The following NDC1 variants were observed in gnomAD, a reference collection of about 807,000 sequenced individuals.
The protein encoded by NDC1 is NDC1 transmembrane nucleoporin.
NDC1 carries 24 observed loss-of-function variants against 89.8 expected under a neutral mutation model. That is an observed-to-expected ratio of 0.27 (90% CI 0.19 to 0.38). The LOEUF is 0.38. Among genes scored for constraint, NDC1 ranks in the 10% least tolerant of loss-of-function variants. The pLI is 1.00. For synonymous variants in NDC1, 296 were observed against 284.8 expected (o/e 1.04, Z -0.39); for missense variants, 728 against 797.6 (o/e 0.91, Z 1.05).
At chr1:53,811,193 A>G (rs753712721) in intron 6 of NDC1, among the ~76,000 whole-genome samples, 1 of 152,214 alleles carries the variant, frequency 6.6e-6, no homozygotes, top group Non-Finnish European at 1.5e-5. Context: ...TGACCAGAGG[A>G]GCAGGGAGTA....
At chr1:53,836,484 T>C (rs1649238259) in intron 1 of NDC1, among the ~76,000 whole-genome samples, 1 of 147,948 alleles carries the variant, frequency 6.8e-6, no homozygotes, top group Non-Finnish European at 1.5e-5. Context: ...AAAGTTGAAC[T>C]CCTATCCCAC....
At chr1:53,778,726 G>A (rs1647181477) in intron 16 of NDC1, among the ~76,000 whole-genome samples, 1 of 152,150 alleles carries the variant, frequency 6.6e-6, no homozygotes, top group Non-Finnish European at 1.5e-5. Context: ...GATAATATAT[G>A]AATAGTTTAA....
intron 11 of NDC1, 140 bp from the exon 12 acceptor site, chr1:53,797,284 T>C (rs1647748749): frequency 5.1e-6 from 4 of 781,744 alleles, no homozygotes; most frequent in East Asian, 2.5e-5. Context: ...TTTATGATTA[T>C]AGTCTCAAGA....
intron 11 of NDC1, 55 bp downstream of exon 11, chr1:53,800,637 CT>C (rs1647876635): frequency 4.4e-6 from 7 of 1,595,146 alleles, no homozygotes; most frequent in Non-Finnish European, 6.0e-6. Context: ...CTACAGTCAT[CT>C]TTCTTAGGAA....
chr1:53,809,066 G>A (rs1648210654), intron 7 of NDC1, among the ~76,000 whole-genome samples: 1 of 152,196 alleles, frequency 6.6e-6, no homozygotes. Flanking sequence ...GCTGTCACTT[G>A]ACTGCCACTT....
At chr1:53,775,103 C>T (rs1449554654) in intron 16 of NDC1, among the ~76,000 whole-genome samples, 1 of 152,128 alleles carries the variant, frequency 6.6e-6, no homozygotes, top group Non-Finnish European at 1.5e-5. Flanking sequence ...TAGGCTGTAT[C>T]TCTAATAGGT....
chr1:53,809,809 T>G, intron 6 of NDC1, 63 bp from the exon 7 acceptor site: 1 of 1,306,784 alleles, frequency 7.7e-7, no homozygotes, highest in Non-Finnish European at 1.1e-6. Context: ...TAGTCAAGCT[T>G]TAGAATATAA....
intron 9 of NDC1, among the ~76,000 whole-genome samples, chr1:53,804,671 T>G (rs1648044024): frequency 6.6e-6 from 1 of 152,174 alleles, no homozygotes; most frequent in African/African-American, 2.4e-5. Flanking sequence ...GAGATGGGGT[T>G]TCACCATGTT....
At chr1:53,796,554 T>C (rs555168457) in intron 13 of NDC1, 135 bp downstream of exon 13, 231 of 555,234 alleles carry the variant, frequency 4.2e-4, no homozygotes, top group African/African-American at 2.9e-3. Context: ...ATATTGGCTG[T>C]TTCATTTGAG....
chr1:53,837,925 G>C (rs565699080), intron 1 of NDC1, among the ~76,000 whole-genome samples: 1 of 152,270 alleles, frequency 6.6e-6, no homozygotes, highest in East Asian at 1.9e-4. Context: ...GTACCCTTGC[G>C]TAAAACTCCG....
At chr1:53,799,634 CG>C (rs1429803889) in intron 11 of NDC1, among the ~76,000 whole-genome samples, 1 of 151,994 alleles carries the variant, frequency 6.6e-6, no homozygotes, top group Non-Finnish European at 1.5e-5. Context: ...TTAAAAAGAC[CG>C]GAAGTTCACA....
chr1:53,814,339 A>G (rs1648410621), intron 6 of NDC1, among the ~76,000 whole-genome samples: 1 of 152,132 alleles, frequency 6.6e-6, no homozygotes, highest in Non-Finnish European at 1.5e-5. Context: ...TGGGCAACAG[A>G]GCAAGACTCC....
At chr1:53,791,483 T>C (rs1011989471) in intron 14 of NDC1, among the ~76,000 whole-genome samples, 3 of 151,906 alleles carry the variant, frequency 2.0e-5, no homozygotes, top group Non-Finnish European at 4.4e-5. Flanking sequence ...TCCATGTTGC[T>C]GTAAATGACA....
chr1:53,774,786 C>T (rs1351509736), intron 16 of NDC1, among the ~76,000 whole-genome samples: 1 of 151,950 alleles, frequency 6.6e-6, no homozygotes. Flanking sequence ...ACTTGGGAGA[C>T]TGATGTGGGT....
At chr1:53,787,492 A>T (rs1647342805) in intron 15 of NDC1, among the ~76,000 whole-genome samples, 1 of 151,522 alleles carries the variant, frequency 6.6e-6, no homozygotes. Flanking sequence ...CTACAAAATT[A>T]GCCATGTGTG....
At chr1:53,816,266 G>C (rs1202607498) in intron 6 of NDC1, among the ~76,000 whole-genome samples, 32 of 152,110 alleles carry the variant, frequency 2.1e-4, no homozygotes, top group Admixed American at 2.1e-3. Context: ...GACCAATGGA[G>C]CAGGATAGAG....
At chr1:53,784,603 T>C (rs1323805316) in intron 16 of NDC1, among the ~76,000 whole-genome samples, 1 of 152,112 alleles carries the variant, frequency 6.6e-6, no homozygotes, top group Non-Finnish European at 1.5e-5. Flanking sequence ...TCGTCCTGGC[T>C]AACACGGTGA....
rs200116216 is a variant in NDC1 at position 53,772,309 on chromosome 1, A to C, written c.1961+20T>G. The C allele has an allele frequency of 1.2e-6, 2 of 1,611,996 alleles. No individual in the cohort carries two copies. The highest frequency in any genetic ancestry group is 2.7e-5 in the African/African-American group (2 of 74,892). ...CTCCCCAGAATAGGTATCATCATGG[A>C]TCAAAACAGGTAAACTTACTTCAGA... On this transcript the variant is annotated intron_variant, in intron 17 of 17. Coordinates refer to ENST00000371429, the MANE Select transcript of NDC1 (RefSeq NM_018087.5).
At position 53,830,008 on chromosome 1, in the gene NDC1, G is replaced by A. The variant is rs144078476; in HGVS notation, c.281-1835C>T. On this transcript the variant is annotated intron_variant, in intron 3 of 17. Transcript: ENST00000371429. Reference sequence around the variant, plus strand: ...TCTACTAAAAATACAAAAAATAGACGGGCGAGGTGGCAGGCAACTGTAATC... The same window carrying A: ...TCTACTAAAAATACAAAAAATAGACAGGCGAGGTGGCAGGCAACTGTAATC... 7.9e-3 allele frequency among the ~76,000 whole-genome samples: 1,193 copies of A among 151,130 alleles called. 8 individuals are homozygous for A. Among genetic ancestry groups the A allele is most frequent in the Admixed American group, 0.011 (162 of 15,138 alleles).
Sources: allele counts gnomAD v4.1 joint callset (sites outside exome capture counted in the v4.1 genomes callset), GRCh38; gene constraint gnomAD v4.1.1; transcripts MANE v1.5; gene names NCBI Gene and HGNC (gene_info 2026-07-23, HGNC 2026-07-21).